Variants in COL22A1 observed in about 807,000 individuals in gnomAD.
COL22A1 encodes the protein collagen type XXII alpha 1 chain, also known as collagen alpha-1(XXII) chain.
A neutral mutation model predicts 248.9 loss-of-function variants in COL22A1; 221 were observed. That is an observed-to-expected ratio of 0.89 (90% confidence interval 0.80 to 0.99). The LOEUF is 0.99. Ranked by LOEUF, COL22A1 falls within the 50% of genes least tolerant of loss-of-function variation. COL22A1 has a pLI of 0.00. For missense variants in COL22A1, 2,240 were observed against 2,179.0 expected, an observed-to-expected ratio of 1.03 and a Z score of -0.56; for synonymous variants, 891 against 793.4, an observed-to-expected ratio of 1.12 and a Z score of -2.07.
At chr8:138,857,686 T>A (rs942313731) in intron 3 of COL22A1, among the ~76,000 whole-genome samples, 2 of 152,092 alleles carry the variant, frequency 1.3e-5, no homozygotes, top group Admixed American at 6.6e-5. Flanking sequence ...GGAACAGCGG[T>A]TCCCTCTGGA....
chr8:138,721,548 T>C (rs1221514413), intron 26 of COL22A1, among the ~76,000 whole-genome samples: 1 of 152,206 alleles, frequency 6.6e-6, no homozygotes, highest in East Asian at 1.9e-4. Context: ...TTTAGAAGTT[T>C]TCCTCCTTGA....
At chr8:138,606,544 C>T in intron 57 of COL22A1, 92 bp from the exon 58 acceptor site, 2 of 1,210,420 alleles carry the variant, frequency 1.7e-6, no homozygotes, top group South Asian at 1.3e-5. Context: ...AATCAAAAGG[C>T]CTGAGACATC....
chr8:138,709,077 A>G (rs1828729165), intron 30 of COL22A1, among the ~76,000 whole-genome samples: 1 of 152,196 alleles, frequency 6.6e-6, no homozygotes, highest in Non-Finnish European at 1.5e-5. Context: ...GCTAATCAAA[A>G]CCACAATGAG....
chr8:138,897,204 T>A (rs1321820086), intron 1 of COL22A1, among the ~76,000 whole-genome samples: 1 of 151,858 alleles, frequency 6.6e-6, no homozygotes, highest in Non-Finnish European at 1.5e-5. Context: ...GAAGGAGACA[T>A]TTACTATTTA....
chr8:138,623,644 G>T (rs148787581), intron 52 of COL22A1, 88 bp downstream of exon 52: 8 of 1,193,172 alleles, frequency 6.7e-6, no homozygotes. Context: ...TTCGAGACTG[G>T]TTCAAAATAG....
chr8:138,642,831 C>A (rs1287747795), intron 47 of COL22A1, among the ~76,000 whole-genome samples: 3 of 152,100 alleles, frequency 2.0e-5, no homozygotes, highest in Admixed American at 2.0e-4. Flanking sequence ...GAGTTTGAGA[C>A]CAGCCTGACC....
At chr8:138,905,787 G>A (rs1451096736) in intron 1 of COL22A1, among the ~76,000 whole-genome samples, 3 of 152,066 alleles carry the variant, frequency 2.0e-5, no homozygotes, top group Admixed American at 1.3e-4. Context: ...CTCTCAACCT[G>A]ATCCCTCACC....
intron 3 of COL22A1, among the ~76,000 whole-genome samples, chr8:138,855,649 C>T (rs926140398): frequency 6.6e-6 from 1 of 152,188 alleles, no homozygotes; most frequent in Non-Finnish European, 1.5e-5. Flanking sequence ...AAGGAGCTTC[C>T]CACCTTCTGA....
chr8:138,742,129 G>A (rs1273353092), intron 22 of COL22A1, among the ~76,000 whole-genome samples: 1 of 152,058 alleles, frequency 6.6e-6, no homozygotes, highest in Non-Finnish European at 1.5e-5. Context: ...AGTTGATAGT[G>A]ATGGTGGTAG....
intron 3 of COL22A1, among the ~76,000 whole-genome samples, chr8:138,848,844 G>A (rs1031909684): frequency 2.6e-5 from 4 of 152,150 alleles, no homozygotes; most frequent in African/African-American, 9.7e-5. Context: ...GAGATACGGT[G>A]GCCCCATGTT....
chr8:138,591,775 T>C (rs1415973940), intron 63 of COL22A1, among the ~76,000 whole-genome samples: 1 of 152,194 alleles, frequency 6.6e-6, no homozygotes, highest in Admixed American at 6.5e-5. Context: ...TATCTACATA[T>C]GAACATTTGC....
intron 47 of COL22A1, among the ~76,000 whole-genome samples, 159 bp downstream of exon 47, chr8:138,646,470 T>C (rs1022792614): frequency 6.6e-6 from 1 of 152,176 alleles, no homozygotes; most frequent in Non-Finnish European, 1.5e-5. Context: ...GACCTGCCCA[T>C]GGTCAATAGG....
chr8:138,720,881 G>A, intron 26 of COL22A1, 89 bp from the exon 27 acceptor site: 1 of 1,054,920 alleles, frequency 9.5e-7, no homozygotes, highest in Non-Finnish European at 1.5e-6. Context: ...GGAAGGAAGA[G>A]AACTACCTGC....
At chr8:138,758,591 C>T (rs776220656) in intron 18 of COL22A1, among the ~76,000 whole-genome samples, 3 of 152,318 alleles carry the variant, frequency 2.0e-5, no homozygotes, top group East Asian at 3.9e-4. Context: ...GTCTAGACTT[C>T]GGTCTATTAT....
chr8:138,670,529 G>C (rs1824926492), intron 41 of COL22A1, among the ~76,000 whole-genome samples: 1 of 152,136 alleles, frequency 6.6e-6, no homozygotes, highest in African/African-American at 2.4e-5. Context: ...CCTAATTCTT[G>C]GGACAGCGTC....
chr8:138,670,402 C>T (rs553701522), intron 41 of COL22A1, among the ~76,000 whole-genome samples: 4 of 152,114 alleles, frequency 2.6e-5, no homozygotes, highest in South Asian at 2.1e-4. Context: ...CCTTGAGCAT[C>T]GGCCATGGGG....
chr8:138,716,472 C>T (rs1189687417), intron 28 of COL22A1, among the ~76,000 whole-genome samples, 183 bp from the exon 29 acceptor site: 2 of 152,186 alleles, frequency 1.3e-5, no homozygotes, highest in African/African-American at 2.4e-5. Context: ...ACTAGGGCAT[C>T]CCCAAGCTCT....
intron 3 of COL22A1, among the ~76,000 whole-genome samples, chr8:138,848,332 C>G (rs1821392491): frequency 6.6e-6 from 1 of 152,182 alleles, no homozygotes; most frequent in African/African-American, 2.4e-5. Context: ...AAAGGTATCT[C>G]TTCACACAGC....
At chr8:138,883,631 A>G (rs1001945603) in intron 1 of COL22A1, among the ~76,000 whole-genome samples, 9 of 152,116 alleles carry the variant, frequency 5.9e-5, no homozygotes, top group African/African-American at 9.7e-5. Context: ...TCATGGGGGC[A>G]GTTTCCCCCA....
Sources: gnomAD v4.1 joint callset for allele counts (sites outside exome capture counted in the v4.1 genomes callset) on GRCh38, gnomAD v4.1.1 for gene constraint, MANE v1.5 for transcripts, NCBI Gene and HGNC (gene_info 2026-07-23, HGNC 2026-07-21) for gene names.